The following KCNH5 variants were observed in gnomAD, a reference collection of about 807,000 sequenced individuals.
KCNH5 encodes the protein voltage-gated delayed rectifier potassium channel KCNH5.
KCNH5 carries 46 observed loss-of-function variants against 96.1 expected under a neutral mutation model. That is an observed-to-expected ratio of 0.48 (90% CI 0.38 to 0.61). KCNH5 has a LOEUF of 0.61. KCNH5 is among the 20% of genes least tolerant of loss of function. The pLI is 0.00. For missense variants in KCNH5, 907 were observed against 1,225.8 expected, an observed-to-expected ratio of 0.74 and a Z score of 3.88; for synonymous variants, 439 against 449.8, an observed-to-expected ratio of 0.98 and a Z score of 0.30.
intron 7 of KCNH5, among the ~76,000 whole-genome samples, chr14:62,945,125 G>A (rs746054269): frequency 2.6e-5 from 4 of 152,136 alleles, no homozygotes; most frequent in East Asian, 1.9e-4. Context: ...ATACAGTTTC[G>A]GAAACCCAAC....
chr14:62,727,754 A>G (rs1465883525), intron 10 of KCNH5, among the ~76,000 whole-genome samples: 1 of 150,636 alleles, frequency 6.6e-6, no homozygotes, highest in African/African-American at 2.5e-5. Flanking sequence ...GAATAAAATA[A>G]CGACACTGCT....
chr14:62,956,782 C>G (rs1890112889), intron 6 of KCNH5, among the ~76,000 whole-genome samples: 1 of 152,152 alleles, frequency 6.6e-6, no homozygotes, highest in South Asian at 2.1e-4. Context: ...TACTACTAGA[C>G]AGTTTTAGAG....
chr14:62,869,027 T>C (rs1486244997), intron 7 of KCNH5, among the ~76,000 whole-genome samples: 1 of 152,226 alleles, frequency 6.6e-6, no homozygotes, highest in Non-Finnish European at 1.5e-5. Flanking sequence ...AGTAGAATGA[T>C]TTATAATCCT....
chr14:62,800,963 T>C (rs968116319), intron 9 of KCNH5, among the ~76,000 whole-genome samples: 1 of 151,598 alleles, frequency 6.6e-6, no homozygotes, highest in Admixed American at 6.6e-5. Flanking sequence ...CTAGAAGAAA[T>C]CTAACTGTAA....
In KCNH5 at chr14:62,811,117, T is replaced by C. The variant is rs146105821; in HGVS notation, c.1570-8536A>G. Among the ~76,000 whole-genome samples, 5 of 152,226 alleles carry C rather than the reference T, an allele frequency of 3.3e-5. No individual in the cohort carries two copies. In the East Asian group the frequency reaches 9.6e-4, roughly 29 times the overall value. ...GTCATGGTCTGAAAAAGAAAACCTTTTTCAAATTCTTTATGATATTCACTA... is the reference window on the plus strand; with the variant it reads ...GTCATGGTCTGAAAAAGAAAACCTTCTTCAAATTCTTTATGATATTCACTA... On this transcript the variant is annotated intron_variant, in intron 8 of 10. Coordinates refer to ENST00000322893, the MANE Select transcript of KCNH5 (RefSeq NM_139318.5).
intron 7 of KCNH5, among the ~76,000 whole-genome samples, chr14:62,922,989 A>G (rs567100685): frequency 3.9e-4 from 60 of 152,032 alleles, no homozygotes; most frequent in African/African-American, 1.4e-3. Flanking sequence ...GGAAACAGTA[A>G]AAGTGTCTCT....
intron 8 of KCNH5, among the ~76,000 whole-genome samples, chr14:62,829,536 C>T (rs1462326649): frequency 6.6e-6 from 1 of 152,162 alleles, no homozygotes; most frequent in Non-Finnish European, 1.5e-5. Context: ...GGGCTTGCAC[C>T]CTCTGAAGCA....
At chr14:62,740,854 G>C (rs1029882395) in intron 10 of KCNH5, among the ~76,000 whole-genome samples, 1 of 152,068 alleles carries the variant, frequency 6.6e-6, no homozygotes, top group African/African-American at 2.4e-5. Context: ...AATACAAACT[G>C]ATTAGCTTCG....
At chr14:62,925,741 G>A (rs997531827) in intron 7 of KCNH5, among the ~76,000 whole-genome samples, 3 of 152,064 alleles carry the variant, frequency 2.0e-5, no homozygotes, top group Admixed American at 2.0e-4. Context: ...AATAAAGCTT[G>A]TAATCAAGCC....
intron 7 of KCNH5, among the ~76,000 whole-genome samples, chr14:62,851,353 A>G (rs2140047065): frequency 6.6e-6 from 1 of 152,216 alleles, no homozygotes; most frequent in African/African-American, 2.4e-5. Context: ...ATTTATTTTA[A>G]TAGTTCAAAA....
chr14:62,896,397 C>A (rs1365468383), intron 7 of KCNH5, among the ~76,000 whole-genome samples: 1 of 152,136 alleles, frequency 6.6e-6, no homozygotes, highest in African/African-American at 2.4e-5. Context: ...AGATGGAGGC[C>A]TACTATTGGT....
chr14:62,824,228 T>C (rs1258131809), intron 8 of KCNH5, among the ~76,000 whole-genome samples: 1 of 151,952 alleles, frequency 6.6e-6, no homozygotes, highest in Non-Finnish European at 1.5e-5. Flanking sequence ...CAACCAATGC[T>C]TGAGATTCCA....
At chr14:62,919,623 T>G (rs554899128) in intron 7 of KCNH5, among the ~76,000 whole-genome samples, 1 of 152,118 alleles carries the variant, frequency 6.6e-6, no homozygotes, top group South Asian at 2.1e-4. Context: ...CTAGTAAGAT[T>G]ACTATTAGGA....
At chr14:62,961,009 T>C (rs561190695) in intron 6 of KCNH5, among the ~76,000 whole-genome samples, 84 of 152,312 alleles carry the variant, frequency 5.5e-4, no homozygotes, top group African/African-American at 1.9e-3. Flanking sequence ...GAAAAGACTT[T>C]CATTTTCATA....
chr14:62,767,565 C>A (rs765296456), intron 10 of KCNH5, among the ~76,000 whole-genome samples: 1 of 152,108 alleles, frequency 6.6e-6, no homozygotes, highest in African/African-American at 2.4e-5. Flanking sequence ...AGTGAATTAA[C>A]GCAGAAACAG....
At position 62,849,869 on chromosome 14, in the gene KCNH5, G is replaced by GGGTT; in HGVS notation, c.1370-18_1370-17insAACC. 1 of 1,581,624 alleles carries GGGTT rather than the reference G, an allele frequency of 6.3e-7. No homozygotes were observed. The highest frequency in any genetic ancestry group is 8.7e-7 in the Non-Finnish European group (1 of 1,152,508). ...AAAGAAGAGCTGAAAGAGAAGAAAT[G>GGGTT]ATAAAAATAAAACAAATATCTCATG... On this transcript the variant is annotated splice_polypyrimidine_tract_variant and intron_variant, in intron 7 of 10. Coordinates refer to ENST00000322893, the MANE Select transcript of KCNH5 (RefSeq NM_139318.5).
chr14:62,809,445 A>G (rs1038281909), intron 8 of KCNH5, among the ~76,000 whole-genome samples: 3 of 152,092 alleles, frequency 2.0e-5, no homozygotes, highest in Non-Finnish European at 2.9e-5. Context: ...CAGTCCCTTT[A>G]CAGGGTTTCT....
At chr14:62,750,783 G>A (rs888136615) in intron 10 of KCNH5, among the ~76,000 whole-genome samples, 1 of 152,084 alleles carries the variant, frequency 6.6e-6, no homozygotes, top group Admixed American at 6.6e-5. Flanking sequence ...TTAATTGCAG[G>A]GCTCTAATAA....
intron 10 of KCNH5, among the ~76,000 whole-genome samples, chr14:62,737,574 C>A (rs1288412778): frequency 1.3e-5 from 2 of 152,122 alleles, no homozygotes; most frequent in Admixed American, 6.6e-5. Flanking sequence ...GCATCTGAAT[C>A]TCTACAGTGT....
Sources: allele counts gnomAD v4.1 joint callset (sites outside exome capture counted in the v4.1 genomes callset), GRCh38; gene constraint gnomAD v4.1.1; transcripts MANE v1.5; gene names NCBI Gene and HGNC (gene_info 2026-07-23, HGNC 2026-07-21).